MAPDA: variants seen among roughly 807,000 people sequenced by gnomAD.
The protein encoded by MAPDA is N6-Methyl-AMP deaminase.
chr15:43,335,005 C>A, the MAPDA span: 2 of 1,135,900 alleles, frequency 1.8e-6, no homozygotes, highest in Non-Finnish European at 2.5e-6. Context: ...GGAAGTAAAG[C>A]AATCTGAAGG....
At chr15:43,330,663 G>A in the MAPDA span, 6 of 705,318 alleles carry the variant, frequency 8.5e-6, no homozygotes, top group Non-Finnish European at 1.1e-5. Flanking sequence ...AACCAGAATT[G>A]AGGAGGGTGT....
At chr15:43,342,053 G>A in the MAPDA span, among the ~76,000 whole-genome samples, 1 of 151,970 alleles carries the variant, frequency 6.6e-6, no homozygotes, top group African/African-American at 2.4e-5. Context: ...TGGCCAGGGT[G>A]GTCTCGAACT....
At chr15:43,340,795 TCTTC>T in the MAPDA span, among the ~76,000 whole-genome samples, 2 of 152,236 alleles carry the variant, frequency 1.3e-5, no homozygotes, top group Admixed American at 6.5e-5. Flanking sequence ...TTTCTTTTGT[TCTTC>T]CTTGTTTAGT....
At chr15:43,343,180 G>C in the MAPDA span, 2 of 728,370 alleles carry the variant, frequency 2.7e-6, no homozygotes, top group African/African-American at 1.9e-5. Flanking sequence ...ATCATTCATT[G>C]ATTTATACAA....
chr15:43,350,071 C>T, the MAPDA span, among the ~76,000 whole-genome samples: 1 of 151,436 alleles, frequency 6.6e-6, no homozygotes, highest in South Asian at 2.1e-4. Flanking sequence ...AGGAGTCACT[C>T]TTTTTTTTGG....
chr15:43,340,225 C>G, the MAPDA span: 2 of 1,573,110 alleles, frequency 1.3e-6, no homozygotes, highest in Non-Finnish European at 8.7e-7. Flanking sequence ...GACCCTTACC[C>G]AAACATTATC....
chr15:43,334,322 T>A, the MAPDA span, among the ~76,000 whole-genome samples: 29 of 152,162 alleles, frequency 1.9e-4, no homozygotes, highest in Non-Finnish European at 3.2e-4. Context: ...TTTTAAACAA[T>A]TCAAAATTTA....
chr15:43,343,130 T>C, the MAPDA span: 1 of 1,297,684 alleles, frequency 7.7e-7, no homozygotes, highest in African/African-American at 1.5e-5. Context: ...TGTGAATTTT[T>C]ACTGTTTTGA....
chr15:43,335,190 A>G, the MAPDA span: 1 of 1,611,308 alleles, frequency 6.2e-7, no homozygotes, highest in Non-Finnish European at 8.5e-7. Context: ...CAACTACAGA[A>G]ATCTTGAGTG....
At chr15:43,337,298 A>G in the MAPDA span, among the ~76,000 whole-genome samples, 3 of 145,818 alleles carry the variant, frequency 2.1e-5, no homozygotes, top group African/African-American at 7.5e-5. Flanking sequence ...AAAAAAAAAG[A>G]GAAGTATTAG....
the MAPDA span, among the ~76,000 whole-genome samples, chr15:43,344,806 C>CAAA: frequency 3.3e-5 from 3 of 90,920 alleles, no homozygotes; most frequent in African/African-American, 9.6e-5. Context: ...AATTCTGTCT[C>CAAA]AAAAAAAAAA....
the MAPDA span, chr15:43,335,756 C>T: frequency 6.2e-7 from 1 of 1,613,724 alleles, no homozygotes; most frequent in Non-Finnish European, 8.5e-7. Context: ...ATTAATAGCC[C>T]AGAAGCCAGA....
the MAPDA span, among the ~76,000 whole-genome samples, chr15:43,337,768 G>C: frequency 6.6e-6 from 1 of 152,204 alleles, no homozygotes; most frequent in Admixed American, 6.5e-5. Flanking sequence ...AACTCTAATA[G>C]TTTCATTCAA....
chr15:43,330,467 C>T, the MAPDA span: 1 of 1,524,224 alleles, frequency 6.6e-7, no homozygotes, highest in Middle Eastern at 1.8e-4. Context: ...GCCTGCCCGA[C>T]GCTCACGGCT....
the MAPDA span, chr15:43,351,781 C>A: frequency 1.4e-3 from 2,154 of 1,550,056 alleles, 32 homozygotes; most frequent in African/African-American, 0.027. Context: ...TGCAACACAC[C>A]TTTCTCAAGA....
chr15:43,344,862 A>G, the MAPDA span, among the ~76,000 whole-genome samples: 3 of 152,046 alleles, frequency 2.0e-5, no homozygotes, highest in Non-Finnish European at 4.4e-5. Flanking sequence ...CAAGTCTTAT[A>G]GAATTCCAGC....
chr15:43,332,876 C>G, the MAPDA span, among the ~76,000 whole-genome samples: 279 of 152,260 alleles, frequency 1.8e-3, 2 homozygotes, highest in Non-Finnish European at 2.5e-3. Flanking sequence ...GTGTTTGTTG[C>G]CTTCCGTCCC....
chr15:43,351,636 T>G, the MAPDA span: 1 of 1,000,888 alleles, frequency 1.0e-6, no homozygotes, highest in South Asian at 1.8e-5. Flanking sequence ...TAGGCCCTTG[T>G]TTAGACTCTT....
At chr15:43,351,936 A>G in the MAPDA span, 1 of 1,550,642 alleles carries the variant, frequency 6.4e-7, no homozygotes, top group South Asian at 1.2e-5. Context: ...CCAGAGTGTT[A>G]CATATTTAAG....
Sources: gnomAD v4.1 joint callset for allele counts (sites outside exome capture counted in the v4.1 genomes callset) on GRCh38, gnomAD v4.1.1 for gene constraint, MANE v1.5 for transcripts, NCBI Gene and HGNC (gene_info 2026-07-23, HGNC 2026-07-21) for gene names.